CAMK1D: variants seen among roughly 807,000 people sequenced by gnomAD.
CAMK1D encodes the protein calcium/calmodulin dependent protein kinase ID, also known as calcium/calmodulin-dependent protein kinase type 1D.
Under a neutral mutation model 47.7 loss-of-function variants are expected in CAMK1D, and 9 were observed. That is an observed-to-expected ratio of 0.19 (90% CI 0.11 to 0.33). The LOEUF (loss-of-function observed/expected upper bound fraction) is 0.33, where lower values mean the gene tolerates loss of function less well. Among genes scored for constraint, CAMK1D ranks in the 10% least tolerant of loss-of-function variants. CAMK1D has a pLI of 1.00. For missense variants in CAMK1D, 291 were observed against 488.7 expected (o/e 0.60, Z 3.81); for synonymous variants, 184 against 184.9 (o/e 0.99, Z 0.04).
Position 12,830,964 on chromosome 10 carries a change from C to CAA in CAMK1D, c.*2078_*2079dup, listed in dbSNP as rs1554832587. ...ACACACACACACACACACACACACACAATGTTATTAGGCACAGCAGCTCCA... is the reference window on the plus strand; with the variant it reads ...ACACACACACACACACACACACACACAAAATGTTATTAGGCACAGCAGCTCCA... On this transcript the variant is annotated 3_prime_UTR_variant, in exon 11 of 11. Coordinates refer to ENST00000619168, the MANE Select transcript of CAMK1D (RefSeq NM_153498.4). 672 of 89,850 alleles carry CAA rather than the reference C, an allele frequency of 7.5e-3. 8 individuals are homozygous for CAA. The highest frequency in any genetic ancestry group is 0.044 in the South Asian group (105 of 2,360). The allele number at this position is 89,850 out of a possible 1,614,324, so 5.6% of individuals were successfully genotyped here. A position where few individuals can be genotyped will look rare whatever the true frequency, so the allele number is the denominator to read the frequency against.
chr10:12,596,886 T>A (rs10906180), intron 2 of CAMK1D, among the ~76,000 whole-genome samples: 65,509 of 151,804 alleles, frequency 0.43, 14,824 homozygotes, highest in East Asian at 0.64. Context: ...GTGGTTTTTT[T>A]AGGTGTCTTT....
In CAMK1D at chr10:12,457,800, A is replaced by G. The variant is rs1331571754; in HGVS notation, c.93-95425A>G. ...GTCTCAAAAAAAAAAAAAAAAAAAAAGAAAGATGGACATACGAACATATGT... is the reference window on the plus strand; with the variant it reads ...GTCTCAAAAAAAAAAAAAAAAAAAAGGAAAGATGGACATACGAACATATGT... On this transcript the variant is annotated intron_variant, in intron 1 of 10. Transcript: ENST00000619168. Among the ~76,000 whole-genome samples, 4 of 148,952 alleles carry G rather than the reference A, an allele frequency of 2.7e-5. No individual in the cohort carries two copies. In the South Asian group the frequency reaches 8.4e-4, roughly 31 times the overall value.
chr10:12,617,655 G>A (rs1416785172), intron 2 of CAMK1D, among the ~76,000 whole-genome samples: 1 of 152,148 alleles, frequency 6.6e-6, no homozygotes, highest in Non-Finnish European at 1.5e-5. Context: ...CATCCCTAGT[G>A]GTGAGCACGC....
At chr10:12,672,901 T>TTTTTTTTTTGTTTTTTTTTTTTTTTG (rs1554807923) in intron 3 of CAMK1D, among the ~76,000 whole-genome samples, 1 of 147,062 alleles carries the variant, frequency 6.8e-6, no homozygotes, top group South Asian at 2.3e-4. Flanking sequence ...CTTGCCTTTT[T>TTTTTTTTTTGTTTTTTTTTTTTTTTG]TTTTTTTTTT....
chr10:12,515,402 CTTT>C (rs772694725), intron 1 of CAMK1D, among the ~76,000 whole-genome samples: 1 of 102,022 alleles, frequency 9.8e-6, no homozygotes, highest in Non-Finnish European at 2.0e-5. Context: ...TTTTCCTTTT[CTTT>C]TTTTTTTTTT....
intron 1 of CAMK1D, among the ~76,000 whole-genome samples, chr10:12,374,565 A>G (rs997339075): frequency 2.6e-5 from 4 of 152,218 alleles, no homozygotes; most frequent in Admixed American, 1.3e-4. Context: ...CTTGCAGCCT[A>G]CTTTGGGCTT....
chr10:12,409,571 A>G (rs1473544134), intron 1 of CAMK1D, among the ~76,000 whole-genome samples: 1 of 152,250 alleles, frequency 6.6e-6, no homozygotes, highest in Non-Finnish European at 1.5e-5. Context: ...AGTTGACACC[A>G]TCACACCTGG....
At chr10:12,522,088 T>C (rs945379449) in intron 1 of CAMK1D, among the ~76,000 whole-genome samples, 1 of 151,954 alleles carries the variant, frequency 6.6e-6, no homozygotes, top group Non-Finnish European at 1.5e-5. Flanking sequence ...TTAGAGTAAA[T>C]AGTGGGCCTA....
intron 3 of CAMK1D, among the ~76,000 whole-genome samples, chr10:12,681,945 T>C (rs1003022559): frequency 2.0e-5 from 3 of 152,296 alleles, no homozygotes; most frequent in East Asian, 1.9e-4. Flanking sequence ...GTTGGCTGGG[T>C]GCGGTGGCTC....
At chr10:12,552,572 T>C (rs772845550) in intron 1 of CAMK1D, among the ~76,000 whole-genome samples, 3 of 152,146 alleles carry the variant, frequency 2.0e-5, no homozygotes, top group Non-Finnish European at 2.9e-5. Context: ...CCAGTCCTTT[T>C]CTGTAGGAGG....
intron 1 of CAMK1D, among the ~76,000 whole-genome samples, chr10:12,474,198 TC>T (rs1177630373): frequency 4.7e-5 from 5 of 107,314 alleles, no homozygotes; most frequent in South Asian, 3.3e-4. Context: ...TGAGGATCGT[TC>T]TTTTTTTTTT....
intron 1 of CAMK1D, among the ~76,000 whole-genome samples, chr10:12,535,161 G>A (rs1106385): frequency 0.29 from 43,321 of 151,926 alleles, 6,444 homozygotes; most frequent in East Asian, 0.36. Context: ...TGCTTTTCCC[G>A]TGGGGACTCT....
intron 1 of CAMK1D, among the ~76,000 whole-genome samples, chr10:12,507,677 G>A (rs1179885217): frequency 6.6e-6 from 1 of 152,130 alleles, no homozygotes; most frequent in Non-Finnish European, 1.5e-5. Context: ...GGTGTCCTGA[G>A]GTTTGCGTTT....
At chr10:12,697,895 C>T (rs368214296) in intron 3 of CAMK1D, among the ~76,000 whole-genome samples, 1 of 152,048 alleles carries the variant, frequency 6.6e-6, no homozygotes, top group Non-Finnish European at 1.5e-5. Context: ...GTAGGCTTTG[C>T]GGGCAGTGGA....
At chr10:12,598,948 C>T (rs1407828141) in intron 2 of CAMK1D, among the ~76,000 whole-genome samples, 1 of 152,072 alleles carries the variant, frequency 6.6e-6, no homozygotes, top group Admixed American at 6.6e-5. Context: ...AGTAGGGAAA[C>T]AACTACTTTG....
intron 1 of CAMK1D, among the ~76,000 whole-genome samples, chr10:12,521,988 T>G (rs1407208460): frequency 9.1e-6 from 1 of 110,482 alleles, no homozygotes; most frequent in East Asian, 2.3e-4. Context: ...ATAGATAGCA[T>G]ATATTTGAAC....
chr10:12,827,472 GTCTTTCTTTCTTTCTTTCTT>G (rs1244927320), intron 10 of CAMK1D, among the ~76,000 whole-genome samples: 62 of 5,098 alleles, frequency 0.012, 18 homozygotes, highest in Middle Eastern at 0.071. Context: ...TTGTCTGTCT[GTCTTTCTTTCTTTCTTTCTT>G]TCTTTCTTTC....
chr10:12,420,864 C>T (rs1840027196), intron 1 of CAMK1D, among the ~76,000 whole-genome samples: 1 of 152,172 alleles, frequency 6.6e-6, no homozygotes, highest in South Asian at 2.1e-4. Flanking sequence ...CAACTGAGGG[C>T]TCCAGTACTC....
intron 2 of CAMK1D, among the ~76,000 whole-genome samples, chr10:12,556,992 G>A (rs191549217): frequency 1.6e-4 from 25 of 152,284 alleles, no homozygotes; most frequent in Admixed American, 1.4e-3. Flanking sequence ...TTAGAGATTC[G>A]GAAGGAATGG....
Sources: allele counts gnomAD v4.1 joint callset (sites outside exome capture counted in the v4.1 genomes callset), GRCh38; gene constraint gnomAD v4.1.1; transcripts MANE v1.5; gene names NCBI Gene and HGNC (gene_info 2026-07-23, HGNC 2026-07-21).